The following CTDSPL2 variants were observed in gnomAD, a reference collection of about 807,000 sequenced individuals.
CTDSPL2 encodes the protein CTD small phosphatase-like protein 2.
A neutral mutation model predicts 60.0 loss-of-function variants in CTDSPL2; 5 were observed. The observed-to-expected ratio is 0.08, with a 90% confidence interval of 0.04 to 0.18. CTDSPL2 has a LOEUF of 0.18. Among genes scored for constraint, CTDSPL2 ranks in the 10% least tolerant of loss-of-function variants. The pLI, the probability that CTDSPL2 is intolerant of heterozygous loss-of-function variation, is 1.00. For synonymous variants in CTDSPL2, 186 were observed against 189.3 expected (o/e 0.98, Z 0.14); for missense variants, 370 against 548.8 (o/e 0.67, Z 3.26).
intron 1 of CTDSPL2, chr15:44,448,026 C>T (rs964910572): frequency 2.1e-5 from 5 of 233,856 alleles, no homozygotes; most frequent in East Asian, 1.2e-4. Flanking sequence ...CAGTTCCATC[C>T]GGATGTTCCA....
intron 2 of CTDSPL2, 53 bp downstream of exon 2, chr15:44,459,253 CACGG>C: frequency 1.5e-6 from 2 of 1,329,696 alleles, no homozygotes; most frequent in South Asian, 2.9e-5. Context: ...ATTGGCCGGG[CACGG>C]TGGCTCACGC....
rs554319789 is a variant in CTDSPL2 at position 44,462,700 on chromosome 15, C to CTTTT, written c.186+3521_186+3524dup. On this transcript the variant is annotated intron_variant, in intron 2 of 12. Transcript: ENST00000260327. ...GACTCTTGAACTAGAACACTCAGGA[C>CTTTT]TTTTTTTTTTTTTTTTTTTTTTTTG... is the stretch of plus-strand genomic sequence containing the variant. Among the ~76,000 whole-genome samples the CTTTT allele has an allele frequency of 1.2e-3, 98 of 83,742 alleles. 3 individuals are homozygous for CTTTT. The highest frequency in any genetic ancestry group is 4.6e-3 in the African/African-American group (78 of 17,052). 54.9% of individuals were successfully genotyped at this position (83,742 alleles called of 152,430 possible).
intron 8 of CTDSPL2, among the ~76,000 whole-genome samples, chr15:44,500,135 G>A (rs2081362578): frequency 6.6e-6 from 1 of 152,126 alleles, no homozygotes; most frequent in Admixed American, 6.6e-5. Flanking sequence ...TTAACTCCTG[G>A]TGTTTTTGTT....
chr15:44,506,807 C>A (rs2081475196), intron 8 of CTDSPL2, among the ~76,000 whole-genome samples: 1 of 151,958 alleles, frequency 6.6e-6, no homozygotes, highest in Non-Finnish European at 1.5e-5. Flanking sequence ...CGCTCTGTCG[C>A]CCAGGCTGGA....
Position 44,501,852 on chromosome 15 carries a change from C to A in CTDSPL2, c.969+2039C>A, listed in dbSNP as rs577640021. On this transcript the variant is annotated intron_variant, in intron 8 of 12. Coordinates refer to ENST00000260327, the MANE Select transcript of CTDSPL2 (RefSeq NM_016396.3). ...CCTTGGATTTCTTATTTTGGCATAG[C>A]CATTCTGTCTTTTAAAAAATAAATG... The A allele has an allele frequency of 4.8e-5, 17 of 355,288 alleles. 1 individual carries two copies. Among genetic ancestry groups the A allele is most frequent in the Middle Eastern group, 3.8e-4 (1 of 2,634 alleles). The allele number at this position is 355,288 out of a possible 1,614,324, so 22.0% of individuals were successfully genotyped here. A position where few individuals can be genotyped will look rare whatever the true frequency, so the allele number is the denominator to read the frequency against.
At chr15:44,474,553 G>T (rs1216536367) in intron 2 of CTDSPL2, among the ~76,000 whole-genome samples, 1 of 151,900 alleles carries the variant, frequency 6.6e-6, no homozygotes. Context: ...CTTGCTAAAC[G>T]TGGCTATAAA....
intron 8 of CTDSPL2, among the ~76,000 whole-genome samples, chr15:44,502,971 G>A (rs148519085): frequency 1.0e-3 from 153 of 152,150 alleles, no homozygotes; most frequent in African/African-American, 3.3e-3. Flanking sequence ...GTAGATTATT[G>A]TAAATTAGTA....
chr15:44,471,861 C>T (rs967878468), intron 2 of CTDSPL2, among the ~76,000 whole-genome samples: 7 of 151,674 alleles, frequency 4.6e-5, no homozygotes, highest in Non-Finnish European at 1.0e-4. Flanking sequence ...TAAATGAAAC[C>T]ATAGTCTATT....
intron 12 of CTDSPL2, among the ~76,000 whole-genome samples, chr15:44,523,388 C>CA (rs2081817733): frequency 1.4e-5 from 2 of 145,006 alleles, no homozygotes; most frequent in East Asian, 4.1e-4. Flanking sequence ...GACCTCATCT[C>CA]TACATACATA....
chr15:44,465,033 A>G (rs1255470846), intron 2 of CTDSPL2, among the ~76,000 whole-genome samples: 2 of 151,686 alleles, frequency 1.3e-5, no homozygotes, highest in African/African-American at 2.4e-5. Flanking sequence ...TACTTTTTTA[A>G]AGGCCCTATC....
intron 1 of CTDSPL2, among the ~76,000 whole-genome samples, chr15:44,438,520 CTG>C (rs776505992): frequency 7.9e-5 from 12 of 151,992 alleles, no homozygotes; most frequent in Admixed American, 3.3e-4. Flanking sequence ...GGAATAATAA[CTG>C]TGATGTTTAG....
At chr15:44,487,113 T>A (rs867001490) in intron 4 of CTDSPL2, among the ~76,000 whole-genome samples, 1 of 152,168 alleles carries the variant, frequency 6.6e-6, no homozygotes, top group Non-Finnish European at 1.5e-5. Context: ...TTTATTAGCA[T>A]ATTTTGTCAA....
At chr15:44,448,722 G>T in intron 1 of CTDSPL2, 1 of 338,644 alleles carries the variant, frequency 3.0e-6, no homozygotes, top group Non-Finnish European at 5.8e-6. Context: ...CTTTATTCAG[G>T]TGATTGGCAT....
chr15:44,516,488 C>T (rs554977085), intron 10 of CTDSPL2, among the ~76,000 whole-genome samples: 1 of 152,302 alleles, frequency 6.6e-6, no homozygotes, highest in South Asian at 2.1e-4. Context: ...AAGCTGCAGT[C>T]ACACAAATGG....
rs566479414 is a variant in CTDSPL2 at position 44,521,550 on chromosome 15, A to G, written c.1335+144A>G. 52 of 488,580 alleles carry G rather than the reference A, an allele frequency of 1.1e-4. 1 individual carries two copies. In the South Asian group the frequency reaches 1.2e-3, roughly 11 times the overall value. The allele number at this position is 488,580 out of a possible 1,614,324, so 30.3% of individuals were successfully genotyped here. A position where few individuals can be genotyped will look rare whatever the true frequency, so the allele number is the denominator to read the frequency against. On this transcript the variant is annotated intron_variant, in intron 12 of 12. Transcript: ENST00000260327. ...CACAGGTGCCATCATAGGCGCCTGTAGTGCCAGCTACTTTAGAGTCTGAGG... is the reference window on the plus strand; with the variant it reads ...CACAGGTGCCATCATAGGCGCCTGTGGTGCCAGCTACTTTAGAGTCTGAGG...
At chr15:44,496,158 T>A (rs2081296886) in intron 5 of CTDSPL2, among the ~76,000 whole-genome samples, 2 of 152,258 alleles carry the variant, frequency 1.3e-5, no homozygotes, top group South Asian at 4.1e-4. Flanking sequence ...ATCTTAATTC[T>A]AGCCATGATC....
At chr15:44,468,999 G>C (rs1350369310) in intron 2 of CTDSPL2, among the ~76,000 whole-genome samples, 2 of 151,976 alleles carry the variant, frequency 1.3e-5, no homozygotes, top group Non-Finnish European at 2.9e-5. Context: ...ATACCACTCT[G>C]TTTGTATTCA....
rs2081201056 is a variant in CTDSPL2 at position 44,490,804 on chromosome 15, C to G, written c.496C>G (p.Pro166Ala). The change falls in exon 5 of 13, where the codon CCA becomes GCA. Residue 166 changes from proline (P) to alanine (A), a missense_variant. Transcript: ENST00000260327. ...TTCAGGAACGTCAGGATCAGATTCT[C>G]CAGGACAGGCTGTGGAAGCTGAAGA... ...NKNGTSGSDS[P>A]GQAVEAEEIV... 3 of 1,612,744 alleles carry G rather than the reference C, an allele frequency of 1.9e-6. No individual in the cohort carries two copies. The highest frequency in any genetic ancestry group is 2.0e-4 in the Middle Eastern group (1 of 5,118).
At chr15:44,504,683 A>G (rs967827444) in intron 8 of CTDSPL2, among the ~76,000 whole-genome samples, 3 of 150,766 alleles carry the variant, frequency 2.0e-5, no homozygotes, top group African/African-American at 7.3e-5. Flanking sequence ...GGCCTGGGCA[A>G]GATAGTGTGA....
Sources: allele counts gnomAD v4.1 joint callset (sites outside exome capture counted in the v4.1 genomes callset), GRCh38; gene constraint gnomAD v4.1.1; transcripts MANE v1.5; gene names NCBI Gene and HGNC (gene_info 2026-07-23, HGNC 2026-07-21).